EYS: variants seen among roughly 807,000 people sequenced by gnomAD.
EYS encodes protein eyes shut homolog.
EYS carries 250 observed loss-of-function variants against 282.1 expected under a neutral mutation model. The ratio of observed to expected loss-of-function variants is 0.89; its 90% confidence interval spans 0.80 to 0.98. The LOEUF is 0.98. EYS is among the 50% of genes least tolerant of loss of function. EYS has a pLI of 0.00. For missense variants in EYS, 4,016 were observed against 3,709.0 expected, an observed-to-expected ratio of 1.08 and a Z score of -2.15; for synonymous variants, 1,355 against 1,282.9, an observed-to-expected ratio of 1.06 and a Z score of -1.20.
intron 5 of EYS, among the ~76,000 whole-genome samples, chr6:65,470,059 T>C (rs1365366620): frequency 6.6e-6 from 1 of 152,176 alleles, no homozygotes; most frequent in Non-Finnish European, 1.5e-5. Flanking sequence ...TTTATGGTAA[T>C]ACCATCTTCC....
At chr6:64,790,818 T>C (rs9345515) in intron 22 of EYS, among the ~76,000 whole-genome samples, 116,602 of 150,404 alleles carry the variant, frequency 0.78, 45,157 homozygotes, top group East Asian at 0.97. Flanking sequence ...AACAAGGTGG[T>C]ACATTATCCA....
chr6:64,860,129 G>A (rs975583622), intron 19 of EYS, among the ~76,000 whole-genome samples: 2 of 152,036 alleles, frequency 1.3e-5, no homozygotes, highest in South Asian at 2.1e-4. Flanking sequence ...ATCTCTCTTT[G>A]TGTATACTAT....
rs897430560 is a variant in EYS, at chr6:64,066,651, C to T, written c.6572-160G>A. Among the ~76,000 whole-genome samples, 22 of 152,210 alleles carry T rather than the reference C, an allele frequency of 1.4e-4. 1 individual carries two copies. Among genetic ancestry groups the T allele is most frequent in the African/African-American group, 2.2e-4 (9 of 41,546 alleles). On this transcript the variant is annotated intron_variant, in intron 32 of 42. Transcript: ENST00000503581. ...AGTGTAATAAGTACCATATTAGAAA[C>T]GTACATTATTGTCCACAGGCTGAGG...
intron 12 of EYS, among the ~76,000 whole-genome samples, chr6:65,229,195 G>T (rs1301444926): frequency 6.6e-6 from 1 of 151,870 alleles, no homozygotes; most frequent in Non-Finnish European, 1.5e-5. Flanking sequence ...TGTTTTAAAA[G>T]ATTAAGATTA....
At chr6:65,633,279 T>G in intron 2 of EYS, among the ~76,000 whole-genome samples, 1 of 152,190 alleles carries the variant, frequency 6.6e-6, no homozygotes, top group East Asian at 1.9e-4. Context: ...ATGGTAACAC[T>G]TTACCTTCTT....
At chr6:63,864,487 T>TA in intron 35 of EYS, 129 bp from the exon 36 acceptor site, 1 of 501,646 alleles carries the variant, frequency 2.0e-6, no homozygotes, top group Non-Finnish European at 2.9e-6. Context: ...AATAAGTGAC[T>TA]TTTTTCTCCC....
intron 2 of EYS, among the ~76,000 whole-genome samples, chr6:65,544,033 A>AT (rs1562250715): frequency 0.045 from 6,610 of 145,450 alleles, 431 homozygotes; most frequent in African/African-American, 0.14. Flanking sequence ...TGTGTGTGAG[A>AT]GAGAGAGAGA....
intron 41 of EYS, among the ~76,000 whole-genome samples, chr6:63,752,659 ATTT>A (rs888241908): frequency 6.7e-6 from 1 of 150,056 alleles, no homozygotes; most frequent in South Asian, 2.1e-4. Flanking sequence ...TGCCTGGCTA[ATTT>A]TTTTTTGTAT....
intron 5 of EYS, among the ~76,000 whole-genome samples, chr6:65,429,434 A>C (rs1767793114): frequency 6.6e-6 from 1 of 152,178 alleles, no homozygotes; most frequent in Admixed American, 6.5e-5. Context: ...TCCAGCAGGC[A>C]AAGAAATGAA....
intron 36 of EYS, among the ~76,000 whole-genome samples, chr6:63,827,866 A>AAATAAAAAT (rs1554175915): frequency 1.3e-5 from 2 of 148,408 alleles, no homozygotes; most frequent in African/African-American, 5.0e-5. Context: ...AAAAAAAAAA[A>AAATAAAAAT]AAAAAGAAAT....
chr6:64,093,342 G>A (rs563404032), intron 31 of EYS, among the ~76,000 whole-genome samples: 14 of 150,420 alleles, frequency 9.3e-5, no homozygotes, highest in African/African-American at 3.4e-4. Flanking sequence ...AATTACCTCG[G>A]GCAGTATGGC....
chr6:64,371,597 T>C (rs1276661345), intron 29 of EYS, among the ~76,000 whole-genome samples: 1 of 152,150 alleles, frequency 6.6e-6, no homozygotes, highest in Non-Finnish European at 1.5e-5. Flanking sequence ...ATCTGTCTAA[T>C]ACTGTCAATG....
chr6:65,464,140 G>A (rs182526619), intron 5 of EYS, among the ~76,000 whole-genome samples: 237 of 151,946 alleles, frequency 1.6e-3, no homozygotes, highest in Non-Finnish European at 2.3e-3. Context: ...GCAATTACGC[G>A]GTCCCCAGTT....
At chr6:64,702,662 C>T (rs1277734775) in intron 22 of EYS, among the ~76,000 whole-genome samples, 1 of 152,020 alleles carries the variant, frequency 6.6e-6, no homozygotes, top group Non-Finnish European at 1.5e-5. Flanking sequence ...CAAGTTTATA[C>T]TATCAAGTGC....
chr6:64,949,579 G>A (rs556811358), intron 14 of EYS, among the ~76,000 whole-genome samples: 2 of 150,790 alleles, frequency 1.3e-5, no homozygotes, highest in South Asian at 2.1e-4. Context: ...ACAACCACAT[G>A]TTTGATTAAA....
intron 26 of EYS, among the ~76,000 whole-genome samples, chr6:64,474,564 G>C (rs1195256713): frequency 6.6e-6 from 1 of 152,168 alleles, no homozygotes; most frequent in Non-Finnish European, 1.5e-5. Flanking sequence ...AGGCACCACA[G>C]ATCATAACTT....
At chr6:65,288,346 C>T (rs1210768026) in intron 12 of EYS, among the ~76,000 whole-genome samples, 2 of 150,602 alleles carry the variant, frequency 1.3e-5, no homozygotes, top group South Asian at 2.1e-4. Flanking sequence ...GAGTCTTCCA[C>T]TGAATTCTTT....
At chr6:65,240,215 G>T (rs574441480) in intron 12 of EYS, among the ~76,000 whole-genome samples, 3 of 152,044 alleles carry the variant, frequency 2.0e-5, no homozygotes, top group Admixed American at 1.3e-4. Flanking sequence ...TGATCCACCC[G>T]TCTTGGCCTC....
At chr6:64,376,010 A>C (rs56177406) in intron 29 of EYS, among the ~76,000 whole-genome samples, 28 of 152,284 alleles carry the variant, frequency 1.8e-4, no homozygotes, top group African/African-American at 6.7e-4. Flanking sequence ...ATATCCTGCT[A>C]TTCCATAAAA....
Sources: gnomAD v4.1 joint callset for allele counts (sites outside exome capture counted in the v4.1 genomes callset) on GRCh38, gnomAD v4.1.1 for gene constraint, MANE v1.5 for transcripts, NCBI Gene and HGNC (gene_info 2026-07-23, HGNC 2026-07-21) for gene names.